GPA33: variants seen among roughly 807,000 people sequenced by gnomAD.
GPA33 encodes the protein cell surface A33 antigen.
Under a neutral mutation model 35.6 loss-of-function variants are expected in GPA33, and 27 were observed. That is an observed-to-expected ratio of 0.76 (90% confidence interval 0.56 to 1.04). GPA33 has a LOEUF of 1.04. GPA33 is among the 50% of genes least tolerant of loss of function. The probability of loss-of-function intolerance (pLI) is 0.00; values close to 1 mark genes in which losing one functional copy is unlikely to be tolerated. For missense variants in GPA33, 428 were observed against 411.9 expected (o/e 1.04, Z -0.34); for synonymous variants, 176 against 164.0 (o/e 1.07, Z -0.56).
intron 3 of GPA33, among the ~76,000 whole-genome samples, chr1:167,064,948 T>C (rs1431119600): frequency 6.6e-6 from 1 of 152,104 alleles, no homozygotes; most frequent in Non-Finnish European, 1.5e-5. Context: ...GGGAAGCCCA[T>C]AGACTGGAGG....
At chr1:167,067,292 A>ATTTG (rs1476875783) in intron 3 of GPA33, among the ~76,000 whole-genome samples, 3 of 151,226 alleles carry the variant, frequency 2.0e-5, no homozygotes, top group Non-Finnish European at 4.4e-5. Context: ...TTATTTATTT[A>ATTTG]TTTATTTATT....
chr1:167,089,747 C>A (rs140646507), intron 1 of GPA33, among the ~76,000 whole-genome samples: 1 of 152,108 alleles, frequency 6.6e-6, no homozygotes, highest in Non-Finnish European at 1.5e-5. Context: ...AAAGACCCAT[C>A]TAGTTTGTTG....
intron 2 of GPA33, among the ~76,000 whole-genome samples, chr1:167,070,548 G>A (rs538249208): frequency 9.3e-4 from 141 of 152,258 alleles, no homozygotes; most frequent in Admixed American, 3.3e-3. Flanking sequence ...CCTGAAGTCC[G>A]GAGATTCTAC....
At chr1:167,089,288 G>A (rs1250779213) in intron 1 of GPA33, among the ~76,000 whole-genome samples, 6 of 152,102 alleles carry the variant, frequency 3.9e-5, no homozygotes, top group African/African-American at 1.4e-4. Context: ...TAAAAAGTGA[G>A]CTCTAAACCA....
At chr1:167,084,815 A>C (rs2102204558) in intron 1 of GPA33, among the ~76,000 whole-genome samples, 1 of 152,368 alleles carries the variant, frequency 6.6e-6, no homozygotes, top group African/African-American at 2.4e-5. Context: ...TGCTAATTTA[A>C]GAGGAAAATA....
At chr1:167,072,150 GC>G (rs35324045) in intron 2 of GPA33, among the ~76,000 whole-genome samples, 86,117 of 151,834 alleles carry the variant, frequency 0.57, 25,656 homozygotes, top group East Asian at 0.78. Flanking sequence ...CATCCGTCCT[GC>G]CCGCTCGAGG....
At chr1:167,055,230 G>T in intron 5 of GPA33, 119 bp from the exon 6 acceptor site, 1 of 937,680 alleles carries the variant, frequency 1.1e-6, no homozygotes, top group Non-Finnish European at 1.6e-6. Flanking sequence ...GCATGGTCTT[G>T]GAGGAATGTG....
chr1:167,084,669 G>C (rs1667016814), intron 1 of GPA33, among the ~76,000 whole-genome samples: 1 of 152,212 alleles, frequency 6.6e-6, no homozygotes, highest in Non-Finnish European at 1.5e-5. Context: ...CCCCTGGAGA[G>C]AGGAATTAGA....
At chr1:167,083,731 A>G (rs974346291) in intron 1 of GPA33, among the ~76,000 whole-genome samples, 1 of 152,258 alleles carries the variant, frequency 6.6e-6, no homozygotes, top group Non-Finnish European at 1.5e-5. Context: ...CCTTGAGAAA[A>G]TAGGAGAAGA....
At chr1:167,078,647 C>T in intron 1 of GPA33, 1 of 152,246 alleles carries the variant, frequency 6.6e-6, no homozygotes, top group East Asian at 1.9e-4. Flanking sequence ...CCCTTCGATA[C>T]TTTAATCCCG....
chr1:167,083,740 G>A (rs1272637022), intron 1 of GPA33, among the ~76,000 whole-genome samples: 1 of 152,092 alleles, frequency 6.6e-6, no homozygotes, highest in African/African-American at 2.4e-5. Flanking sequence ...AATAGGAGAA[G>A]AGATGTGAGG....
chr1:167,087,334 A>G (rs6427059), intron 1 of GPA33, among the ~76,000 whole-genome samples: 60,505 of 151,990 alleles, frequency 0.4, 12,773 homozygotes, highest in East Asian at 0.72. Flanking sequence ...TTATGTGTCA[A>G]GTCCTCTTCT....
chr1:167,054,978 C>T lies in GPA33; in HGVS notation c.825G>A (p.Arg275=), dbSNP rs1289335506. The change falls in exon 6 of 7, where the codon AGG becomes AGA. Residue 275 remains arginine, a splice_region_variant and synonymous_variant. Transcript: ENST00000367868. ...AGGCTACCAGCCCAGACACTCACGGCCTTGCATCCTCCTTGTCTTCAGTGT... is the reference window on the plus strand; with the variant it reads ...AGGCTACCAGCCCAGACACTCACGGTCTTGCATCCTCCTTGTCTTCAGTGT... ...DDNTEDKEDA[R]PNREAYEEPP... is the part of the protein sequence containing the mutation. 3.7e-6 allele frequency: 6 copies of T among 1,613,968 alleles called. No homozygotes were observed. Among genetic ancestry groups the T allele is most frequent in the Admixed American group, 3.3e-5 (2 of 60,010 alleles).
rs115303033 is a variant in GPA33, at chr1:167,058,727, G to T, written c.572-2878C>A. ...TGTTTACATGTGATATTAACATGCG[G>T]CATGGAGAAGGAGTCCCTAAAAAAG... On this transcript the variant is annotated intron_variant, in intron 4 of 6. Coordinates refer to ENST00000367868, the MANE Select transcript of GPA33 (RefSeq NM_005814.3). Among the ~76,000 whole-genome samples the T allele has an allele frequency of 5.3e-3, 802 of 150,956 alleles. 9 individuals carry two copies. Among genetic ancestry groups the T allele is most frequent in the African/African-American group, 0.018 (755 of 41,262 alleles).
At chr1:167,055,926 T>C in intron 4 of GPA33, 77 bp from the exon 5 acceptor site, 3 of 1,497,696 alleles carry the variant, frequency 2.0e-6, no homozygotes, top group Non-Finnish European at 2.8e-6. Flanking sequence ...AGGTCTGGAC[T>C]CCTTGGGAAG....
Position 167,054,371 on chromosome 1 carries a change from C to T in GPA33, c.923G>A (p.Ser308Asn), listed in dbSNP as rs1300315861. The T allele has an allele frequency of 1.2e-6, 2 of 1,614,144 alleles. No individual in the cohort carries two copies. The highest frequency in any genetic ancestry group is 3.3e-5 in the Admixed American group (2 of 60,018). The change falls in exon 7 of 7, where the codon AGC becomes AAC. Residue 308 changes from serine to asparagine, a missense_variant. Ser to Asn is a conservative substitution (Grantham distance 46, BLOSUM62 1). Transcript: ENST00000367868. The part of the protein sequence containing the change: ...EDDYRQEEQR[S>N]TGRESPDHLD... ...GTGGTCCGGGGATTCACGCCCAGTG[C>T]TCCTCTGCTCTTCTTGCCTGTAGTC... is the stretch of plus-strand genomic sequence containing the variant.
intron 5 of GPA33, among the ~76,000 whole-genome samples, 189 bp from the exon 6 acceptor site, chr1:167,055,300 A>G (rs1571300462): frequency 2.0e-5 from 3 of 152,298 alleles, no homozygotes; most frequent in African/African-American, 7.2e-5. Context: ...CATATGGTCC[A>G]CTTCACATCT....
chr1:167,073,270 G>A lies in GPA33; in HGVS notation c.198+115C>T, dbSNP rs894621410. The stretch of plus-strand genomic sequence containing the variant: ...CTCCCTCCCCACCCACTCCAGCCTG[G>A]GTGCTAGTGTTTATTCTACCATTTA... On this transcript the variant is annotated intron_variant, in intron 2 of 6. Transcript: ENST00000367868. The A allele has an allele frequency of 1.8e-4, 150 of 851,658 alleles. 1 individual carries two copies. The highest frequency in any genetic ancestry group is 2.1e-5 in the Non-Finnish European group (11 of 527,410). The allele number at this position is 851,658 out of a possible 1,614,324, so 52.8% of individuals were successfully genotyped here.
rs1322936532 is a variant in GPA33 at position 167,054,349 on chromosome 1, G to A, written c.945C>T (p.Asp315=). 5.6e-6 allele frequency: 9 copies of A among 1,614,000 alleles called. No individual in the cohort carries two copies. Among genetic ancestry groups the A allele is most frequent in the Non-Finnish European group, 7.6e-6 (9 of 1,180,012 alleles). ...EQRSTGRESP[D]HLDQ is the part of the protein sequence containing the mutation. ...TGCTGGCCTGTCACTGGTCGAGGTG[G>A]TCCGGGGATTCACGCCCAGTGCTCC... The change falls in exon 7 of 7, where the codon GAC becomes GAT. Residue 315 remains aspartate (D), a synonymous_variant. Transcript: ENST00000367868.
Sources: gnomAD v4.1 joint callset for allele counts (sites outside exome capture counted in the v4.1 genomes callset) on GRCh38, gnomAD v4.1.1 for gene constraint, MANE v1.5 for transcripts, NCBI Gene and HGNC (gene_info 2026-07-23, HGNC 2026-07-21) for gene names.